TXNIP: variants seen among roughly 807,000 people sequenced by gnomAD.
The protein encoded by TXNIP is thioredoxin interacting protein, also known as thioredoxin-interacting protein.
Under a neutral mutation model 43.9 loss-of-function variants are expected in TXNIP, and 23 were observed. That is an observed-to-expected ratio of 0.52 (90% CI 0.38 to 0.74). The LOEUF is 0.74. Among genes scored for constraint, TXNIP ranks in the 30% least tolerant of loss-of-function variants. The pLI is 0.00. For synonymous variants in TXNIP, 234 were observed against 172.2 expected (o/e 1.36, Z -2.81); for missense variants, 555 against 485.4 (o/e 1.14, Z -1.35).
At position 145,992,734 on chromosome 1, in the gene TXNIP, A is replaced by T. The variant is rs75291601; in HGVS notation, c.*1117T>A. 283 of 152,828 alleles carry T rather than the reference A, an allele frequency of 1.9e-3. 5 individuals carry two copies. The highest frequency in any genetic ancestry group is 0.014 in the East Asian group (73 of 5,208). 9.5% of individuals were successfully genotyped at this position (152,828 alleles called of 1,614,324 possible). A position where few individuals can be genotyped will look rare whatever the true frequency, so the allele number is the denominator to read the frequency against. Reference sequence around the variant, plus strand: ...ATATCCCTATCTCCTAACACAGGGCAGGAAGGGGGTTCAAAGGGCTTTTAT... The same window carrying T: ...ATATCCCTATCTCCTAACACAGGGCTGGAAGGGGGTTCAAAGGGCTTTTAT... On this transcript the variant is annotated 3_prime_UTR_variant, in exon 8 of 8. Coordinates refer to ENST00000582401, the MANE Select transcript of TXNIP (RefSeq NM_006472.6).
At chr1:145,995,545 G>A (rs782680924) in intron 1 of TXNIP, 69 bp from the exon 2 acceptor site, 3 of 1,435,142 alleles carry the variant, frequency 2.1e-6, no homozygotes, top group South Asian at 2.3e-5. Context: ...GTGTGATAAG[G>A]AATGCTTGGG....
rs782663990 is a variant in TXNIP, at chr1:145,996,552, T to A, written c.-286A>T. The A allele has an allele frequency of 6.0e-5, 18 of 297,722 alleles. No individual in the cohort carries two copies. The highest frequency in any genetic ancestry group is 1.0e-4 in the Non-Finnish European group (16 of 156,116). The allele number at this position is 297,722 out of a possible 1,614,324, so 18.4% of individuals were successfully genotyped here. On this transcript the variant is annotated 5_prime_UTR_variant, in exon 1 of 8. Coordinates refer to ENST00000582401, the MANE Select transcript of TXNIP (RefSeq NM_006472.6). ...GAAAAGATCCGATCTCCACAAGCAC[T>A]CCTTTGGAGAAAAAGAGGGGTTAGT...
chr1:145,994,648 T>G lies in TXNIP; in HGVS notation c.727A>C (p.Ile243Leu), dbSNP rs1490572849. The G allele has an allele frequency of 6.2e-7, 1 of 1,614,040 alleles. No homozygotes were observed. The highest frequency in any genetic ancestry group is 8.5e-7 in the Non-Finnish European group (1 of 1,180,038). ...CGCCATGATGCGCATGTCCCTGAGATAATATGATTGCCTCTGACTGATGAC... is the reference window on the plus strand; with the variant it reads ...CGCCATGATGCGCATGTCCCTGAGAGAATATGATTGCCTCTGACTGATGAC... Reference protein sequence around the residue: ...KLSSVRGNHIISGTCASWRGK... With the variant: ...KLSSVRGNHILSGTCASWRGK... The change falls in exon 5 of 8, where the codon ATC becomes CTC. Residue 243 changes from isoleucine (I) to leucine (L), a missense_variant. Transcript: ENST00000582401.
intron 1 of TXNIP, chr1:145,995,764 A>G (rs781834971): frequency 1.6e-6 from 1 of 613,392 alleles, no homozygotes; most frequent in Non-Finnish European, 2.8e-6. Context: ...ATGCACACAT[A>G]AGACTTTAAC....
rs377191959 is a variant in TXNIP at position 145,995,396 on chromosome 1, A to T, written c.323+8T>A. Reference sequence around the variant, plus strand: ...AAAAGTTCAAAGATGCATTTAGCTGATATTTACCCCTGAGGAAGCTCAAAG... The same window carrying T: ...AAAAGTTCAAAGATGCATTTAGCTGTTATTTACCCCTGAGGAAGCTCAAAG... On this transcript the variant is annotated splice_region_variant and intron_variant, in intron 2 of 7. Transcript: ENST00000582401. 4.3e-6 allele frequency: 7 copies of T among 1,613,102 alleles called. No individual in the cohort carries two copies. The highest frequency in any genetic ancestry group is 5.9e-6 in the Non-Finnish European group (7 of 1,179,318).
Position 145,996,310 on chromosome 1 carries a change from G to C in TXNIP, c.-44C>G. On this transcript the variant is annotated 5_prime_UTR_variant, in exon 1 of 8. Coordinates refer to ENST00000582401, the MANE Select transcript of TXNIP (RefSeq NM_006472.6). ...TTAAGAGTTAGAAATGACGGTGGAAGAAAAAAAAAGCTCCAAATCGAGGAA... is the reference window on the plus strand; with the variant it reads ...TTAAGAGTTAGAAATGACGGTGGAACAAAAAAAAAGCTCCAAATCGAGGAA... The C allele has an allele frequency of 6.5e-7, 1 of 1,547,590 alleles. No homozygotes were observed. Among genetic ancestry groups the C allele is most frequent in the Non-Finnish European group, 8.7e-7 (1 of 1,146,714 alleles).
At position 145,994,287 on chromosome 1, in the gene TXNIP, G is replaced by C; in HGVS notation, c.982C>G (p.Pro328Ala). 1.2e-6 allele frequency: 2 copies of C among 1,613,758 alleles called. No individual in the cohort carries two copies. Among genetic ancestry groups the C allele is most frequent in the Non-Finnish European group, 1.7e-6 (2 of 1,179,876 alleles). Residue 328 changes from proline (P) to alanine (A), a missense_variant, in exon 6 of 8, where the codon CCA becomes GCA. Transcript: ENST00000582401. ...GACATTAGGTCTGGCTCACCTTCTGGGGTATCAGGGATGTTCAGATCTACC... is the reference window on the plus strand; with the variant it reads ...GACATTAGGTCTGGCTCACCTTCTGCGGTATCAGGGATGTTCAGATCTACC... ...SWVDLNIPDT[P>A]EAPPCYMDVI...
In TXNIP at chr1:145,994,125, A is replaced by C. The variant is rs936377679; in HGVS notation, c.1031T>G (p.Leu344Trp). 1 of 1,614,232 alleles carries C rather than the reference A, an allele frequency of 6.2e-7. No individual in the cohort carries two copies. The highest frequency in any genetic ancestry group is 1.1e-5 in the South Asian group (1 of 91,084). ...TAGCAGAGGAGTGGTTGGGCTCTCC[A>C]ATCGGTGATCTTCAGGAATGACATC... Reference protein sequence around the residue: ...YMDVIPEDHRLESPTTPLLDD... With the variant: ...YMDVIPEDHRWESPTTPLLDD... Residue 344 changes from leucine to tryptophan, a missense_variant, in exon 7 of 8, where the codon TTG (leucine) becomes TGG (tryptophan). By Grantham distance (61) the Leu-to-Trp change is moderately conservative. Transcript: ENST00000582401.
chr1:145,994,510 A>AT (rs782801297), intron 5 of TXNIP, 34 bp downstream of exon 5: 21 of 1,613,584 alleles, frequency 1.3e-5, no homozygotes, highest in Middle Eastern at 3.3e-4. Flanking sequence ...CAGATGAACA[A>AT]TTTCTCTGCT....
intron 1 of TXNIP, chr1:145,995,708 C>T (rs1404075982): frequency 1.6e-6 from 1 of 612,250 alleles, no homozygotes; most frequent in East Asian, 2.7e-5. Context: ...CAGGACAGTT[C>T]TCTACTAACA....
rs1651344018 is a variant in TXNIP at position 145,994,279 on chromosome 1, AC to A, written c.988+1del. The A allele has an allele frequency of 1.2e-6, 2 of 1,613,516 alleles. 1 individual carries two copies. Among genetic ancestry groups the A allele is most frequent in the Non-Finnish European group, 1.7e-6 (2 of 1,179,832 alleles). ...AAAGAAAAGACATTAGGTCTGGCTC[AC>A]CTTCTGGGGTATCAGGGATGTTCAG... On this transcript the variant is annotated splice_donor_variant, in intron 6 of 7. Transcript: ENST00000582401. LOFTEE classifies it high-confidence loss of function.
Position 145,996,426 on chromosome 1 carries a change from ATAT to A in TXNIP, c.-163_-161del. 1 of 865,456 alleles carries A rather than the reference ATAT, an allele frequency of 1.2e-6. No homozygotes were observed. Among genetic ancestry groups the A allele is most frequent in the Non-Finnish European group, 1.7e-6 (1 of 583,756 alleles). The allele number at this position is 865,456 out of a possible 1,614,324, so 53.6% of individuals were successfully genotyped here. A position where few individuals can be genotyped will look rare whatever the true frequency, so the allele number is the denominator to read the frequency against. On this transcript the variant is annotated 5_prime_UTR_variant, in exon 1 of 8. Coordinates refer to ENST00000582401, the MANE Select transcript of TXNIP (RefSeq NM_006472.6). Reference sequence around the variant, plus strand: ...AATAAAATAAGATTTAAACAAATGAATATTAACTACTAGGTTTTCGAAAAGGCG... The same window carrying A: ...AATAAAATAAGATTTAAACAAATGAATAACTACTAGGTTTTCGAAAAGGCG...
chr1:145,992,517 A>G lies in TXNIP; in HGVS notation c.*1334T>C, dbSNP rs1249443048. 2 of 152,682 alleles carry G rather than the reference A, an allele frequency of 1.3e-5. No individual in the cohort carries two copies. Among genetic ancestry groups the G allele is most frequent in the South Asian group, 4.1e-4 (2 of 4,834 alleles). The allele number at this position is 152,682 out of a possible 1,614,324, so 9.5% of individuals were successfully genotyped here. ...GGGGTAAAAATATATCTGGTTAAGT[A>G]CAAAATATAGTCTTTACCATACAAA... On this transcript the variant is annotated 3_prime_UTR_variant, in exon 8 of 8. Transcript: ENST00000582401.
Position 145,993,720 on chromosome 1 carries a change from A to C in TXNIP, c.*131T>G. The C allele has an allele frequency of 9.7e-7, 1 of 1,029,874 alleles. No individual in the cohort carries two copies. The highest frequency in any genetic ancestry group is 1.4e-6 in the Non-Finnish European group (1 of 706,808). The allele number at this position is 1,029,874 out of a possible 1,614,324, so 63.8% of individuals were successfully genotyped here. On this transcript the variant is annotated 3_prime_UTR_variant, in exon 8 of 8. Transcript: ENST00000582401. ...AGATTGCCTGCTGACCACCTCCTACATTAGGAAGTCAGAGGCTAAGGTGGA... is the reference window on the plus strand; with the variant it reads ...AGATTGCCTGCTGACCACCTCCTACCTTAGGAAGTCAGAGGCTAAGGTGGA...
chr1:145,994,423 A>C lies in TXNIP; in HGVS notation c.846T>G (p.Val282=), dbSNP rs797023206. The C allele has an allele frequency of 6.2e-7, 1 of 1,613,906 alleles. No homozygotes were observed. The highest frequency in any genetic ancestry group is 2.2e-5 in the East Asian group (1 of 44,884). Reference sequence around the variant, plus strand: ...CAAGGATGACCTTCTTGGATCCAGGAACGCTAACATAGATCTAGAAAGGAA... The same window carrying C: ...CAAGGATGACCTTCTTGGATCCAGGCACGCTAACATAGATCTAGAAAGGAA... ...VEYSLLIYVS[V]PGSKKVILDL... The change falls in exon 6 of 8, where the codon GTT becomes GTG. Residue 282 remains valine, a synonymous_variant. Coordinates refer to ENST00000582401, the MANE Select transcript of TXNIP (RefSeq NM_006472.6).
In TXNIP at chr1:145,994,948, G is replaced by A; in HGVS notation, c.555C>T (p.Asp185=). ...DGRVSVSARI[D]RKGFCEGDEI... ...TTTTACCTTCACAGAATCCTTTTCT[G>A]TCAATTCGAGCAGAGACAGACACCC... Residue 185 remains aspartate (D), a synonymous_variant, in exon 4 of 8, where the codon GAC becomes GAT. Transcript: ENST00000582401. The A allele has an allele frequency of 6.2e-7, 1 of 1,614,126 alleles. No homozygotes were observed. The highest frequency in any genetic ancestry group is 8.5e-7 in the Non-Finnish European group (1 of 1,180,028).
chr1:145,995,948 C>CA, intron 1 of TXNIP, 69 bp downstream of exon 1: 3 of 1,560,274 alleles, frequency 1.9e-6, no homozygotes, highest in Non-Finnish European at 2.6e-6. Context: ...ACATTTCGTA[C>CA]AGGTTTTGTG....
rs1306645745 is a variant in TXNIP, at chr1:145,993,224, A to ACT, written c.*625_*626dup. 1 of 139,856 alleles carries ACT rather than the reference A, an allele frequency of 7.2e-6. No homozygotes were observed. The highest frequency in any genetic ancestry group is 1.5e-5 in the Non-Finnish European group (1 of 68,058). 8.7% of individuals were successfully genotyped at this position (139,856 alleles called of 1,614,324 possible). ...TGCTTTAAAAGCCAGGTTAAAGTAT[A>ACT]CTCTAAGCAAAGATGACCGTAGAGC... On this transcript the variant is annotated 3_prime_UTR_variant, in exon 8 of 8. Transcript: ENST00000582401.
In TXNIP at chr1:145,994,137, T is replaced by A; in HGVS notation, c.1019A>T (p.Glu340Val). ...APPCYMDVIP[E>V]DHRLESPTTP... The stretch of plus-strand genomic sequence containing the variant: ...GGTTGGGCTCTCCAATCGGTGATCT[T>A]CAGGAATGACATCCATATAGCAGGG... The change falls in exon 7 of 8, where the codon GAA (glutamate) becomes GTA (valine). Residue 340 changes from glutamate to valine, a missense_variant. Glu to Val is a moderately radical substitution (Grantham distance 121). Transcript: ENST00000582401. 1 of 1,614,128 alleles carries A rather than the reference T, an allele frequency of 6.2e-7. No homozygotes were observed. Among genetic ancestry groups the A allele is most frequent in the Non-Finnish European group, 8.5e-7 (1 of 1,180,024 alleles).
Sources: gnomAD v4.1 joint callset for allele counts on GRCh38, gnomAD v4.1.1 for gene constraint, MANE v1.5 for transcripts, NCBI Gene and HGNC (gene_info 2026-07-23, HGNC 2026-07-21) for gene names.